The following SLCO4A1 variants were observed in gnomAD, a reference collection of about 807,000 sequenced individuals.
The protein encoded by SLCO4A1 is colon organic anion transporter.
Under a neutral mutation model 64.6 loss-of-function variants are expected in SLCO4A1, and 51 were observed. The ratio of observed to expected loss-of-function variants is 0.79; its 90% CI spans 0.63 to 1.00. SLCO4A1 has a LOEUF of 1.00. Among genes scored for constraint, SLCO4A1 ranks in the 50% least tolerant of loss-of-function variants. The pLI, the probability that SLCO4A1 is intolerant of heterozygous loss-of-function variation, is 0.00. For synonymous variants in SLCO4A1, 471 were observed against 444.9 expected, an observed-to-expected ratio of 1.06 and a Z score of -0.74; for missense variants, 919 against 980.5, an observed-to-expected ratio of 0.94 and a Z score of 0.84.
Position 62,650,376 on chromosome 20 carries a change from T to C in SLCO4A1, c.-96-5983T>C, listed in dbSNP as rs1205217477. ...GTCCAGGGGCTAGGCAGCCTCTACG[T>C]GGGGCTGCCATGAGGCCCTTCCAGC... On this transcript the variant is annotated intron_variant, in intron 1 of 11. Coordinates refer to ENST00000217159, the MANE Select transcript of SLCO4A1 (RefSeq NM_016354.4). 3.3e-5 allele frequency: 5 copies of C among 152,332 alleles called. No homozygotes were observed. In the East Asian group the frequency reaches 9.7e-4, roughly 29 times the overall value. 9.4% of individuals were successfully genotyped at this position (152,332 alleles called of 1,614,324 possible).
At chr20:62,669,992 TAGG>T (rs1986999526) in intron 11 of SLCO4A1, 1 of 152,258 alleles carries the variant, frequency 6.6e-6, no homozygotes, top group African/African-American at 2.4e-5. Context: ...ATGTATTAAA[TAGG>T]AAATTCCAGA....
intron 1 of SLCO4A1, among the ~76,000 whole-genome samples, chr20:62,653,390 C>T (rs1172012041): frequency 6.6e-6 from 1 of 152,224 alleles, no homozygotes; most frequent in African/African-American, 2.4e-5. Context: ...CTGCTCCCGG[C>T]CTGACCATGC....
chr20:62,649,119 TGGTTTC>T (rs1220034324), intron 1 of SLCO4A1: 1 of 152,300 alleles, frequency 6.6e-6, no homozygotes, highest in African/African-American at 2.4e-5. Flanking sequence ...GGAGAGCTGA[TGGTTTC>T]GGTCCAGTCT....
At position 62,661,040 on chromosome 20, in the gene SLCO4A1, C is replaced by CCCCCCCCCCCCCCCCACA; in HGVS notation, c.1010-23_1010-22insCCCCCCCCCCCCCCACAC. ...CTCCGGGAGCCCCCAGCCCCCAGCC[C>CCCCCCCCCCCCCCCCACA]CAGCTCACTCTGTGCCCTTCCAGGC... is the stretch of plus-strand genomic sequence containing the variant. On this transcript the variant is annotated intron_variant, in intron 4 of 11. Transcript: ENST00000217159. The surrounding 1 kb of genome is among the most constrained non-coding windows in gnomAD (Gnocchi z 5.2). The CCCCCCCCCCCCCCCCACA allele has an allele frequency of 5.0e-6, 7 of 1,395,914 alleles. No homozygotes were observed. The highest frequency in any genetic ancestry group is 2.2e-4 in the Middle Eastern group (1 of 4,592). 86.5% of individuals were successfully genotyped at this position (1,395,914 alleles called of 1,614,324 possible).
chr20:62,657,505 ACCCCTGCGTGGTGTCCAG>A (rs1008784083), intron 2 of SLCO4A1, among the ~76,000 whole-genome samples: 2 of 152,192 alleles, frequency 1.3e-5, no homozygotes, highest in Admixed American at 6.5e-5. Flanking sequence ...CCTCAGTGCA[ACCCCTGCGTGGTGTCCAG>A]CCCACCTTGC....
rs201112570 is a variant in SLCO4A1, at chr20:62,666,619, A to C, written c.1472+44A>C. On this transcript the variant is annotated intron_variant, in intron 7 of 11. Transcript: ENST00000217159. ...CTGGGTACGCGTCGGGGCCCCAAGC[A>C]CCCGCGGTCCCTGGGCATGGAGGAG... 45 of 1,541,948 alleles carry C rather than the reference A, an allele frequency of 2.9e-5. 1 individual carries two copies. In the Middle Eastern group the frequency reaches 5.1e-4, roughly 17 times the overall value.
intron 7 of SLCO4A1, 66 bp downstream of exon 7, chr20:62,666,641 G>A: frequency 7.2e-7 from 1 of 1,386,472 alleles, no homozygotes; most frequent in Non-Finnish European, 1.0e-6. Flanking sequence ...TGGGCATGGA[G>A]GAGGAGTGGT....
Position 62,671,951 on chromosome 20 carries a change from A to G in SLCO4A1, c.*58A>G. 2.5e-6 allele frequency: 4 copies of G among 1,601,700 alleles called. No homozygotes were observed. Among genetic ancestry groups the G allele is most frequent in the Non-Finnish European group, 3.4e-6 (4 of 1,179,864 alleles). On this transcript the variant is annotated 3_prime_UTR_variant, in exon 12 of 12. Coordinates refer to ENST00000217159, the MANE Select transcript of SLCO4A1 (RefSeq NM_016354.4). ...ACTCAGCATTTCCTGATGACAGAACAGTGCCGTTGGGTGATGCAATCACAC... is the reference window on the plus strand; with the variant it reads ...ACTCAGCATTTCCTGATGACAGAACGGTGCCGTTGGGTGATGCAATCACAC...
chr20:62,687,600 T>G (rs1988107972), downstream of SLCO4A1, among the ~76,000 whole-genome samples: 1 of 152,162 alleles, frequency 6.6e-6, no homozygotes, highest in Non-Finnish European at 1.5e-5. Flanking sequence ...GGAGGTCCCT[T>G]GGGAGGCCCC....
downstream of SLCO4A1, among the ~76,000 whole-genome samples, chr20:62,686,448 C>G (rs538362883): frequency 1.3e-5 from 2 of 152,192 alleles, no homozygotes; most frequent in South Asian, 2.1e-4. Flanking sequence ...CACCAAGGGC[C>G]GGGGACAGAG....
intron 1 of SLCO4A1, among the ~76,000 whole-genome samples, chr20:62,655,722 G>T (rs1384537354): frequency 6.6e-6 from 1 of 152,344 alleles, no homozygotes; most frequent in East Asian, 1.9e-4. Flanking sequence ...TGGCGGCCGG[G>T]GGTGTTTCCG....
chr20:62,683,903 C>T (rs964267131), intron 2 of SLCO4A1, among the ~76,000 whole-genome samples: 1 of 151,518 alleles, frequency 6.6e-6, no homozygotes, highest in African/African-American at 2.4e-5. Context: ...GCTTCCCACA[C>T]ACGCTCACGC....
At chr20:62,675,859 A>AG (rs1987567757), downstream of SLCO4A1, among the ~76,000 whole-genome samples, 1 of 152,134 alleles carries the variant, frequency 6.6e-6, no homozygotes, top group South Asian at 2.1e-4. Context: ...TTAGCCAGGA[A>AG]GGTGCCGGCC....
At position 62,661,041 on chromosome 20, in the gene SLCO4A1, C is replaced by CCCCCCCCCCCCCCCCACAAA; in HGVS notation, c.1010-23_1010-22insCCCCCCCCCCCCCCCACAAA. The CCCCCCCCCCCCCCCCACAAA allele has an allele frequency of 3.5e-6, 5 of 1,424,140 alleles. No homozygotes were observed. The highest frequency in any genetic ancestry group is 4.9e-6 in the Non-Finnish European group (5 of 1,010,138). 88.2% of individuals were successfully genotyped at this position (1,424,140 alleles called of 1,614,324 possible). A position where few individuals can be genotyped will look rare whatever the true frequency, so the allele number is the denominator to read the frequency against. On this transcript the variant is annotated intron_variant, in intron 4 of 11. Transcript: ENST00000217159. This position sits in a 1 kb window ranked among gnomAD's most constrained non-coding sequence, Gnocchi z 5.2. Reference sequence around the variant, plus strand: ...TCCGGGAGCCCCCAGCCCCCAGCCCCAGCTCACTCTGTGCCCTTCCAGGCT... The same window carrying CCCCCCCCCCCCCCCCACAAA: ...TCCGGGAGCCCCCAGCCCCCAGCCCCCCCCCCCCCCCCCCCACAAAAGCTCACTCTGTGCCCTTCCAGGCT...
At chr20:62,669,983 T>TTTC (rs1986998169) in intron 11 of SLCO4A1, 1 of 152,286 alleles carries the variant, frequency 6.6e-6, no homozygotes, top group African/African-American at 2.4e-5. Flanking sequence ...ACAGTCTGAA[T>TTTC]GTATTAAATA....
chr20:62,667,137 G>A (rs952626999), intron 7 of SLCO4A1, among the ~76,000 whole-genome samples: 2 of 152,242 alleles, frequency 1.3e-5, no homozygotes, highest in African/African-American at 2.4e-5. Flanking sequence ...CAGGGTGGAC[G>A]GGGTCACTAC....
downstream of SLCO4A1, among the ~76,000 whole-genome samples, chr20:62,689,231 G>T (rs12624664): frequency 6.7e-6 from 1 of 149,190 alleles, no homozygotes; most frequent in African/African-American, 2.5e-5. Context: ...CCCGTGCCTC[G>T]CAGGCCTGTC....
Position 62,685,379 on chromosome 20 carries a change from A to C in SLCO4A1, n.212-62A>C, listed in dbSNP as rs548773536. The C allele has an allele frequency of 5.5e-6, 5 of 913,618 alleles. No individual in the cohort carries two copies. The African/African-American group carries it at 9.0e-5, about 16-fold the overall frequency. The allele number at this position is 913,618 out of a possible 1,614,324, so 56.6% of individuals were successfully genotyped here. On this transcript the variant is annotated intron_variant and non_coding_transcript_variant, in intron 2 of 2. Coordinates refer to the SLCO4A1 transcript ENST00000466818. This position sits in a 1 kb window ranked among gnomAD's most constrained non-coding sequence, Gnocchi z 4.6. ...GGGGCAACTGCACCCGCTCCCTTCC[A>C]CTCTGCTGTGGCCTGACCAAGCGGG...
chr20:62,648,212 AG>A (rs1029052827), intron 1 of SLCO4A1, among the ~76,000 whole-genome samples: 15 of 152,232 alleles, frequency 9.9e-5, no homozygotes, highest in Admixed American at 7.8e-4. Context: ...ACAGGGCCTG[AG>A]GGGGCTAAGC....
Sources: allele counts gnomAD v4.1 joint callset (sites outside exome capture counted in the v4.1 genomes callset), GRCh38; gene constraint gnomAD v4.1.1; non-coding constraint Gnocchi (gnomAD v3.1); transcripts MANE v1.5; gene names NCBI Gene and HGNC (gene_info 2026-07-23, HGNC 2026-07-21).